The following FRMD6 variants were observed in gnomAD, a reference collection of about 807,000 sequenced individuals.
FRMD6 encodes the protein FERM domain-containing protein 6.
Under a neutral mutation model 73.2 loss-of-function variants are expected in FRMD6, and 37 were observed. The observed-to-expected ratio is 0.51, with a 90% CI of 0.39 to 0.66. FRMD6 has a LOEUF of 0.66. Among genes scored for constraint, FRMD6 ranks in the 30% least tolerant of loss-of-function variants. The probability of loss-of-function intolerance (pLI) is 0.00; values close to 1 mark genes in which losing one functional copy is unlikely to be tolerated. For missense variants in FRMD6, 714 were observed against 780.5 expected (o/e 0.91, Z 1.02); for synonymous variants, 273 against 282.2 (o/e 0.97, Z 0.33).
chr14:51,661,063 T>A (rs779791870), intron 1 of FRMD6, among the ~76,000 whole-genome samples: 19 of 152,048 alleles, frequency 1.2e-4, no homozygotes, highest in Non-Finnish European at 2.6e-4. Context: ...TGACTGTGAG[T>A]GGAATGGGGA....
chr14:51,426,802 C>G, the FRMD6 span, among the ~76,000 whole-genome samples: 4 of 152,112 alleles, frequency 2.6e-5, no homozygotes, highest in African/African-American at 9.7e-5. Flanking sequence ...CTTATTAGAC[C>G]TTGAAGTGGC....
chr14:51,490,616 T>TGTGTGTGTGTGTGTGTGTG, intron 1 of FRMD6, among the ~76,000 whole-genome samples: 1 of 148,126 alleles, frequency 6.8e-6, no homozygotes, highest in Non-Finnish European at 1.5e-5. Flanking sequence ...TGTGTGTATT[T>TGTGTGTGTGTGTGTGTGTG]TGTGTGTGTG....
chr14:51,569,491 T>TTTCC (rs1566819843), intron 1 of FRMD6, among the ~76,000 whole-genome samples: 1 of 146,762 alleles, frequency 6.8e-6, no homozygotes, highest in African/African-American at 2.5e-5. Flanking sequence ...TAGAATTTTC[T>TTTCC]TTTCTTTCTT....
chr14:51,469,988 C>T, the FRMD6 span, among the ~76,000 whole-genome samples: 2 of 152,000 alleles, frequency 1.3e-5, no homozygotes, highest in African/African-American at 2.4e-5. Flanking sequence ...AGACACAGGG[C>T]TATTCAGATG....
upstream of FRMD6, chr14:51,651,769 T>G (rs1331431383): frequency 3.7e-5 from 5 of 133,836 alleles, no homozygotes; most frequent in African/African-American, 8.2e-5. Context: ...GCGGCTCGGC[T>G]GCCGCCGCGG....
chr14:51,624,673 G>A (rs943348270), intron 2 of FRMD6, among the ~76,000 whole-genome samples: 2 of 152,190 alleles, frequency 1.3e-5, no homozygotes, highest in Non-Finnish European at 2.9e-5. Flanking sequence ...GTGGACAAGA[G>A]TGTCATCTGG....
chr14:51,411,569 T>C, the FRMD6 span, among the ~76,000 whole-genome samples: 412 of 152,348 alleles, frequency 2.7e-3, 2 homozygotes, highest in South Asian at 0.012. Flanking sequence ...ATTTCTGTTA[T>C]ATTCGATTTC....
At chr14:51,545,674 T>C (rs2139398549) in intron 1 of FRMD6, among the ~76,000 whole-genome samples, 1 of 152,218 alleles carries the variant, frequency 6.6e-6, no homozygotes, top group East Asian at 1.9e-4. Context: ...GCGCTTTTCA[T>C]AGAGCTCCCC....
chr14:51,636,909 A>G (rs1311712689), intron 2 of FRMD6, among the ~76,000 whole-genome samples: 1 of 152,236 alleles, frequency 6.6e-6, no homozygotes, highest in Non-Finnish European at 1.5e-5. Context: ...ATTTTCTCAC[A>G]TTAATAAACA....
At chr14:51,719,958 A>T in intron 10 of FRMD6, 97 bp from the exon 11 acceptor site, 2 of 880,530 alleles carry the variant, frequency 2.3e-6, no homozygotes, top group Non-Finnish European at 3.5e-6. Flanking sequence ...CTAGATTCTG[A>T]ATTTGAAGTT....
rs59151771 is a variant in FRMD6, at chr14:51,599,058, C to CTTTTTTTTTTTTTTT, written c.-147+28661_-147+28675dup. Among the ~76,000 whole-genome samples, 41 of 72,822 alleles carry CTTTTTTTTTTTTTTT rather than the reference C, an allele frequency of 5.6e-4. 2 individuals carry two copies. Among genetic ancestry groups the CTTTTTTTTTTTTTTT allele is most frequent in the East Asian group, 4.4e-3 (9 of 2,064 alleles). 47.8% of individuals were successfully genotyped at this position (72,822 alleles called of 152,430 possible). The stretch of plus-strand genomic sequence containing the variant: ...TCTCAGCAGCCTTGCCAGTATCTGT[C>CTTTTTTTTTTTTTTT]TTTTTTTTTTTTTTTTTTTTTTTTT... On this transcript the variant is annotated intron_variant, in intron 2 of 14. Transcript: ENST00000356218.
intron 1 of FRMD6, among the ~76,000 whole-genome samples, chr14:51,515,948 G>A (rs1884613295): frequency 6.6e-6 from 1 of 152,210 alleles, no homozygotes; most frequent in African/African-American, 2.4e-5. Flanking sequence ...CTGCAAAGTA[G>A]TTACTCTAGT....
the FRMD6 span, among the ~76,000 whole-genome samples, chr14:51,418,613 A>G: frequency 6.6e-6 from 1 of 152,214 alleles, no homozygotes; most frequent in Non-Finnish European, 1.5e-5. Context: ...GGTCTCTCCC[A>G]GTTAGGCTAC....
At chr14:51,552,030 A>G (rs1273192485) in intron 1 of FRMD6, among the ~76,000 whole-genome samples, 1 of 152,216 alleles carries the variant, frequency 6.6e-6, no homozygotes, top group Non-Finnish European at 1.5e-5. Flanking sequence ...TGCCTAGAAC[A>G]TTGCCTAGCC....
the FRMD6 span, among the ~76,000 whole-genome samples, chr14:51,465,918 C>T: frequency 4.6e-5 from 7 of 152,266 alleles, no homozygotes; most frequent in East Asian, 1.4e-3. Flanking sequence ...TAATCTTCTA[C>T]CAGCAGTACA....
chr14:51,649,649 T>C (rs949778468), upstream of FRMD6: 9 of 152,212 alleles, frequency 5.9e-5, no homozygotes, highest in African/African-American at 2.2e-4. Context: ...TTCTGATGCA[T>C]ATAAAAGACA....
At chr14:51,431,236 A>G in the FRMD6 span, among the ~76,000 whole-genome samples, 1 of 152,308 alleles carries the variant, frequency 6.6e-6, no homozygotes, top group South Asian at 2.1e-4. Flanking sequence ...AGAGATTTTC[A>G]AAGTTTGCAA....
chr14:51,639,901 C>T (rs76342137), intron 2 of FRMD6, among the ~76,000 whole-genome samples: 1 of 152,122 alleles, frequency 6.6e-6, no homozygotes, highest in African/African-American at 2.4e-5. Context: ...ATATCCTGTT[C>T]AGTCTGTATT....
At chr14:51,444,021 C>T in the FRMD6 span, among the ~76,000 whole-genome samples, 1 of 151,426 alleles carries the variant, frequency 6.6e-6, no homozygotes, top group Admixed American at 6.6e-5. Context: ...CTCCACCTCC[C>T]AGGTTCAAGT....
Sources: gnomAD v4.1 joint callset for allele counts (sites outside exome capture counted in the v4.1 genomes callset) on GRCh38, gnomAD v4.1.1 for gene constraint, MANE v1.5 for transcripts, NCBI Gene and HGNC (gene_info 2026-07-23, HGNC 2026-07-21) for gene names.